The following GRIA4 variants were observed in gnomAD, a reference collection of about 807,000 sequenced individuals.
The protein encoded by GRIA4 is glutamate ionotropic receptor AMPA type subunit 4.
Under a neutral mutation model 104.0 loss-of-function variants are expected in GRIA4, and 34 were observed. That is an observed-to-expected ratio of 0.33 (90% CI 0.25 to 0.44). The LOEUF (loss-of-function observed/expected upper bound fraction) is 0.44, where lower values mean the gene tolerates loss of function less well. Ranked by LOEUF, GRIA4 falls within the 20% of genes least tolerant of loss-of-function variation. The probability of loss-of-function intolerance (pLI) is 1.00; values close to 1 mark genes in which losing one functional copy is unlikely to be tolerated. For synonymous variants in GRIA4, 386 were observed against 381.9 expected (o/e 1.01, Z -0.13); for missense variants, 750 against 1,096.5 (o/e 0.68, Z 4.46).
chr11:105,653,412 G>A (rs375186298), intron 3 of GRIA4, among the ~76,000 whole-genome samples: 199 of 152,240 alleles, frequency 1.3e-3, no homozygotes, highest in Non-Finnish European at 2.2e-3. Context: ...ACCAATAGGC[G>A]GGCAGCATGC....
At chr11:105,880,948 T>A (rs1035485323) in intron 5 of GRIA4, among the ~76,000 whole-genome samples, 16 of 152,208 alleles carry the variant, frequency 1.1e-4, no homozygotes, top group African/African-American at 3.9e-4. Context: ...AATGGTTTAC[T>A]TGGAGACTGT....
At chr11:105,731,547 A>G (rs544447005) in intron 3 of GRIA4, among the ~76,000 whole-genome samples, 2 of 152,328 alleles carry the variant, frequency 1.3e-5, no homozygotes, top group Admixed American at 1.3e-4. Context: ...AAGGATTATA[A>G]ATCATTCTAA....
At chr11:105,899,028 A>G (rs1946762283) in intron 7 of GRIA4, among the ~76,000 whole-genome samples, 3 of 152,098 alleles carry the variant, frequency 2.0e-5, no homozygotes, top group African/African-American at 7.2e-5. Context: ...TTAAATTCCA[A>G]CTTAGTGGTT....
intron 14 of GRIA4, among the ~76,000 whole-genome samples, chr11:105,940,857 T>G (rs923650634): frequency 6.6e-6 from 1 of 152,164 alleles, no homozygotes; most frequent in Non-Finnish European, 1.5e-5. Flanking sequence ...TGGTAGTCAT[T>G]TAGAATGAGC....
rs759332963 is a variant in GRIA4, at chr11:105,898,336, T to G, written c.794T>G (p.Val265Gly). ...GCCAATGTTACTGGATTCCAGTTGG[T>G]GGATTTTAATACACCTATGGTAATC... ...GGANVTGFQL[V>G]DFNTPMVIKL... is the part of the protein sequence containing the mutation. The change falls in exon 7 of 17, where the codon GTG becomes GGG. Residue 265 changes from valine to glycine, a missense_variant. Around this residue, in one of 3 missense-constraint regions of GRIA4, gnomAD observed 410 missense variants for 502.7 expected, o/e 0.82. Coordinates refer to ENST00000282499, the MANE Select transcript of GRIA4 (RefSeq NM_000829.4). 1.9e-6 allele frequency: 3 copies of G among 1,573,860 alleles called. No individual in the cohort carries two copies. The highest frequency in any genetic ancestry group is 2.6e-6 in the Non-Finnish European group (3 of 1,143,524).
chr11:105,778,892 G>A (rs539199984), intron 4 of GRIA4, among the ~76,000 whole-genome samples: 10 of 150,254 alleles, frequency 6.7e-5, no homozygotes, highest in South Asian at 2.1e-4. Flanking sequence ...CCATTAACTC[G>A]TCATTTAACA....
At chr11:105,776,454 G>C (rs1941454840) in intron 4 of GRIA4, among the ~76,000 whole-genome samples, 1 of 152,074 alleles carries the variant, frequency 6.6e-6, no homozygotes, top group Non-Finnish European at 1.5e-5. Flanking sequence ...ACATATGTAT[G>C]GAAAAATAGA....
chr11:105,730,053 T>G (rs1938489108), intron 3 of GRIA4, among the ~76,000 whole-genome samples: 1 of 152,072 alleles, frequency 6.6e-6, no homozygotes, highest in Non-Finnish European at 1.5e-5. Flanking sequence ...GAGAAAGAAA[T>G]AAAGCGTATT....
chr11:105,835,592 C>T (rs568621319), intron 4 of GRIA4, among the ~76,000 whole-genome samples: 1 of 151,960 alleles, frequency 6.6e-6, no homozygotes, highest in African/African-American at 2.4e-5. Flanking sequence ...TCATTTAAAG[C>T]CATGGATTTT....
At chr11:105,629,718 G>C (rs1432997177) in intron 3 of GRIA4, among the ~76,000 whole-genome samples, 1 of 152,096 alleles carries the variant, frequency 6.6e-6, no homozygotes, top group Non-Finnish European at 1.5e-5. Context: ...TGTTGAATTT[G>C]TCTTGCTGTG....
chr11:105,718,537 AC>A (rs1319375435), intron 3 of GRIA4, among the ~76,000 whole-genome samples: 1 of 152,172 alleles, frequency 6.6e-6, no homozygotes, highest in Admixed American at 6.6e-5. Flanking sequence ...AGACCTTAAA[AC>A]CCATATAAAT....
intron 4 of GRIA4, among the ~76,000 whole-genome samples, chr11:105,791,194 C>A (rs1363974180): frequency 6.6e-6 from 1 of 152,140 alleles, no homozygotes; most frequent in Non-Finnish European, 1.5e-5. Flanking sequence ...TCTAAGCCAA[C>A]AGCAACAACG....
chr11:105,805,322 C>T (rs958804817), intron 4 of GRIA4, among the ~76,000 whole-genome samples: 2 of 151,130 alleles, frequency 1.3e-5, no homozygotes, highest in South Asian at 2.1e-4. Flanking sequence ...AAAGGCGAAG[C>T]GATCATCCAT....
At chr11:105,933,466 C>G (rs912367566) in intron 13 of GRIA4, among the ~76,000 whole-genome samples, 1 of 151,872 alleles carries the variant, frequency 6.6e-6, no homozygotes, top group Non-Finnish European at 1.5e-5. Context: ...AGTGTGGTAA[C>G]TGTTATGGTA....
At chr11:105,841,156 T>C (rs965917342) in intron 4 of GRIA4, among the ~76,000 whole-genome samples, 2 of 152,072 alleles carry the variant, frequency 1.3e-5, no homozygotes, top group African/African-American at 4.8e-5. Flanking sequence ...CTCTCTGATA[T>C]GTTTCATCAC....
intron 3 of GRIA4, among the ~76,000 whole-genome samples, chr11:105,617,029 C>CA (rs890866343): frequency 6.7e-6 from 1 of 150,272 alleles, no homozygotes; most frequent in Non-Finnish European, 1.5e-5. Flanking sequence ...ATAAAGCTGT[C>CA]AAAAAAACTC....
intron 3 of GRIA4, among the ~76,000 whole-genome samples, chr11:105,736,247 G>A (rs1416364142): frequency 2.0e-5 from 3 of 151,896 alleles, no homozygotes; most frequent in Admixed American, 1.3e-4. Flanking sequence ...CCCTGCCCTC[G>A]GCCTGCTTCA....
At chr11:105,905,109 T>G in intron 8 of GRIA4, 88 bp from the exon 9 acceptor site, 1 of 730,328 alleles carries the variant, frequency 1.4e-6, no homozygotes. Context: ...GTTCTACTTT[T>G]TTAAGTAGTT....
At chr11:105,878,559 T>A (rs1945921823) in intron 5 of GRIA4, among the ~76,000 whole-genome samples, 1 of 152,178 alleles carries the variant, frequency 6.6e-6, no homozygotes, top group Non-Finnish European at 1.5e-5. Flanking sequence ...AGATGGGAGT[T>A]TTACCTATAA....
Sources: gnomAD v4.1 joint callset for allele counts (sites outside exome capture counted in the v4.1 genomes callset) on GRCh38, gnomAD v4.1.1 for gene constraint, gnomAD v4.1.1 regional missense constraint, MANE v1.5 for transcripts, NCBI Gene and HGNC (gene_info 2026-07-23, HGNC 2026-07-21) for gene names.